Variants in SPART observed in about 807,000 individuals in gnomAD.
SPART encodes the protein spastic paraplegia 20 (Troyer syndrome).
SPART carries 35 observed loss-of-function variants against 58.7 expected under a neutral mutation model. The ratio of observed to expected loss-of-function variants is 0.60; its 90% CI spans 0.46 to 0.79. The LOEUF is 0.79. SPART is among the 30% of genes least tolerant of loss of function. The pLI, the probability that SPART is intolerant of heterozygous loss-of-function variation, is 0.00. For synonymous variants in SPART, 284 were observed against 280.7 expected (o/e 1.01, Z -0.12); for missense variants, 730 against 786.1 (o/e 0.93, Z 0.85).
At chr13:36,339,101 A>AC (rs1884309704) in intron 1 of SPART, among the ~76,000 whole-genome samples, 1 of 152,074 alleles carries the variant, frequency 6.6e-6, no homozygotes, top group South Asian at 2.1e-4. Flanking sequence ...AAAAAAAAAA[A>AC]CCCTATCATT....
At chr13:36,368,700 A>G (rs748572408) in intron 1 of SPART, among the ~76,000 whole-genome samples, 6 of 152,198 alleles carry the variant, frequency 3.9e-5, no homozygotes, top group African/African-American at 1.4e-4. Context: ...GAGCACAAAT[A>G]TAACAATTTA....
At chr13:36,312,577 T>A in intron 6 of SPART, 100 bp from the exon 7 acceptor site, 1 of 1,241,292 alleles carries the variant, frequency 8.1e-7, no homozygotes, top group Non-Finnish European at 1.2e-6. Context: ...TCTAAATTGT[T>A]TTACTATATA....
rs1881812126 is a variant in SPART, at chr13:36,317,309, GC to G, written c.1289-2889del. On this transcript the variant is annotated intron_variant, in intron 5 of 8. Transcript: ENST00000438666. ...CCTTCTCTGCTTTTCTGGGGGAGGG[GC>G]AAGTACCCCTCAACCCCTTCTCCTT... Among the ~76,000 whole-genome samples, 5 of 152,084 alleles carry G rather than the reference GC, an allele frequency of 3.3e-5. No homozygotes were observed. In the South Asian group the frequency reaches 1.0e-3, roughly 32 times the overall value.
chr13:36,365,857 T>A (rs200081899), intron 1 of SPART: 32 of 220,950 alleles, frequency 1.4e-4, no homozygotes, highest in Non-Finnish European at 3.2e-4. Context: ...AGAGCTCATC[T>A]TCTGGTCTCT....
chr13:36,366,925 T>C (rs113582964), intron 1 of SPART, among the ~76,000 whole-genome samples: 9,063 of 152,272 alleles, frequency 0.06, 357 homozygotes, highest in Non-Finnish European at 0.092. Context: ...CAAATGGTGC[T>C]GTAAACTGAA....
chr13:36,335,858 T>G (rs771450219), intron 1 of SPART, 26 bp from the exon 2 acceptor site: 7 of 1,556,520 alleles, frequency 4.5e-6, no homozygotes, highest in Non-Finnish European at 6.2e-6. Context: ...CATATTTAAT[T>G]ATCTTGCTTA....
chr13:36,329,554 A>G, intron 3 of SPART, 37 bp from the exon 4 acceptor site: 4 of 1,610,186 alleles, frequency 2.5e-6, no homozygotes, highest in Non-Finnish European at 3.4e-6. Context: ...TCTAATCAGA[A>G]TTTTTCTTAG....
chr13:36,336,620 T>C (rs1884035775), intron 1 of SPART, among the ~76,000 whole-genome samples: 1 of 152,196 alleles, frequency 6.6e-6, no homozygotes, highest in Admixed American at 6.5e-5. Flanking sequence ...TACAACATTT[T>C]GGAAAACCGG....
In SPART at chr13:36,304,257, A is replaced by G. The variant is rs764365567; in HGVS notation, c.*108T>C. ...TATGAAAGTTAATTTGTAGGAATGA[A>G]TACATTTAAAAAATACTGGTTAATC... On this transcript the variant is annotated 3_prime_UTR_variant, in exon 9 of 9. Transcript: ENST00000438666. 183 of 1,307,026 alleles carry G rather than the reference A, an allele frequency of 1.4e-4. No individual in the cohort carries two copies. Among genetic ancestry groups the G allele is most frequent in the Non-Finnish European group, 1.9e-4 (173 of 913,028 alleles). The allele number at this position is 1,307,026 out of a possible 1,614,324, so 81.0% of individuals were successfully genotyped here.
At chr13:36,366,030 C>G (rs914187653) in intron 1 of SPART, among the ~76,000 whole-genome samples, 1 of 152,172 alleles carries the variant, frequency 6.6e-6, no homozygotes, top group Non-Finnish European at 1.5e-5. Flanking sequence ...AATGCTTTCT[C>G]TATGTGTGAC....
chr13:36,348,585 AAATT>A (rs1235274657), upstream of SPART, among the ~76,000 whole-genome samples: 1 of 150,636 alleles, frequency 6.6e-6, no homozygotes, highest in African/African-American at 2.4e-5. Flanking sequence ...TTCAAAAATG[AAATT>A]AATTCCATTC....
rs1883937972 is a variant in SPART at position 36,335,689 on chromosome 13, G to T, written c.142C>A (p.Gln48Lys). Residue 48 changes from glutamine (Q) to lysine (K), a missense_variant, in exon 2 of 9, where the codon CAA becomes AAA. Physicochemically the swap from Gln to Lys is moderately conservative, Grantham distance 53. Coordinates refer to ENST00000438666, the MANE Select transcript of SPART (RefSeq NM_015087.5). The stretch of plus-strand genomic sequence containing the variant: ...CCTCTGAGCAGGTGTCCTATTCCTT[G>T]CTTATAGTAGTTCTTTGCTTCTTCC... ...QKEEAKNYYK[Q>K]GIGHLLRGIS... is the part of the protein sequence containing the mutation. 1.2e-6 allele frequency: 2 copies of T among 1,614,068 alleles called. No homozygotes were observed. The highest frequency in any genetic ancestry group is 4.5e-5 in the East Asian group (2 of 44,882).
Position 36,314,368 on chromosome 13 carries a change from C to T in SPART, c.1342G>A (p.Ala448Thr). The T allele has an allele frequency of 6.2e-7, 1 of 1,614,094 alleles. No homozygotes were observed. Reference sequence around the variant, plus strand: ...AGTTTAGAAGCACCTTTCTGGATTGCCTTACCAGTAATCTCAGCACCTTTG... The same window carrying T: ...AGTTTAGAAGCACCTTTCTGGATTGTCTTACCAGTAATCTCAGCACCTTTG... The part of the protein sequence containing the change: ...LVKGAEITGK[A>T]IQKGASKLRE... The change falls in exon 6 of 9, where the codon GCA becomes ACA. Residue 448 changes from alanine to threonine, a missense_variant. Transcript: ENST00000438666.
At position 36,312,135 on chromosome 13, in the gene SPART, T is replaced by G; in HGVS notation, c.1733+10A>C. 4.4e-6 allele frequency: 7 copies of G among 1,609,070 alleles called. No individual in the cohort carries two copies. In the Middle Eastern group the frequency reaches 8.4e-4, roughly 193 times the overall value. The stretch of plus-strand genomic sequence containing the variant: ...CAGAGATTTAGTCATTAAAATAAAA[T>G]TCAACTTACTTGTATCTGACAGTTT... On this transcript the variant is annotated intron_variant, in intron 8 of 8. Transcript: ENST00000438666.
At position 36,358,544 on chromosome 13, in the gene SPART, A is replaced by G. The variant is rs77816843; in HGVS notation, c.-3+11545T>C. ...CATTTTTAAAACTCTCATTCAGGAC[A>G]CAAGTAGGTCTTGAGAATCCCTGTT... On this transcript the variant is annotated intron_variant, in intron 1 of 8. Coordinates refer to the SPART transcript ENST00000355182. Among the ~76,000 whole-genome samples the G allele has an allele frequency of 8.8e-3, 1,345 of 152,322 alleles. 18 individuals carry two copies. The highest frequency in any genetic ancestry group is 0.029 in the African/African-American group (1,216 of 41,586).
rs768873644 is a variant in SPART, at chr13:36,335,713, C to T, written c.118G>A (p.Glu40Lys). The T allele has an allele frequency of 8.1e-6, 13 of 1,614,038 alleles. No individual in the cohort carries two copies. The Admixed American group carries it at 1.3e-4, about 17-fold the overall frequency. ...GLNTDELGQK[E>K]EAKNYYKQGI... The stretch of plus-strand genomic sequence containing the variant: ...TGCTTATAGTAGTTCTTTGCTTCTT[C>T]CTTCTGACCTAATTCATCTGTATTC... The change falls in exon 2 of 9, where the codon GAA becomes AAA. Residue 40 changes from glutamate (E) to lysine (K), a missense_variant. By Grantham distance (56) the Glu-to-Lys change is moderately conservative. Coordinates refer to ENST00000438666, the MANE Select transcript of SPART (RefSeq NM_015087.5).
At chr13:36,361,516 C>G (rs757603156) in intron 1 of SPART, among the ~76,000 whole-genome samples, 1 of 151,968 alleles carries the variant, frequency 6.6e-6, no homozygotes, top group Admixed American at 6.6e-5. Context: ...GAAATTGTCC[C>G]GCCTCAGCCT....
At chr13:36,314,046 G>T (rs1881409768) in intron 6 of SPART, 181 bp downstream of exon 6, 2 of 635,410 alleles carry the variant, frequency 3.1e-6, no homozygotes. Context: ...AAGGATTCCA[G>T]ATAGGACGAT....
chr13:36,308,636 A>C (rs933645903), intron 8 of SPART, among the ~76,000 whole-genome samples: 6 of 44,384 alleles, frequency 1.4e-4, no homozygotes, highest in Admixed American at 4.2e-4. Flanking sequence ...TAGTTAGGTA[A>C]GTTTTTTTTT....
Sources: gnomAD v4.1 joint callset for allele counts (sites outside exome capture counted in the v4.1 genomes callset) on GRCh38, gnomAD v4.1.1 for gene constraint, MANE v1.5 for transcripts, NCBI Gene and HGNC (gene_info 2026-07-23, HGNC 2026-07-21) for gene names.